Variants in GALNT18 observed in about 807,000 individuals in gnomAD.
The protein encoded by GALNT18 is GalNAc-transferase 18.
GALNT18 carries 44 observed loss-of-function variants against 69.5 expected under a neutral mutation model. That is an observed-to-expected ratio of 0.63 (90% CI 0.50 to 0.81). The LOEUF is 0.81. Among genes scored for constraint, GALNT18 ranks in the 40% least tolerant of loss-of-function variants. The pLI, the probability that GALNT18 is intolerant of heterozygous loss-of-function variation, is 0.00. For missense variants in GALNT18, 715 were observed against 810.0 expected, an observed-to-expected ratio of 0.88 and a Z score of 1.42; for synonymous variants, 364 against 318.2, an observed-to-expected ratio of 1.14 and a Z score of -1.53.
intron 1 of GALNT18, among the ~76,000 whole-genome samples, chr11:11,525,395 T>C (rs575318719): frequency 2.0e-5 from 3 of 152,258 alleles, no homozygotes; most frequent in Non-Finnish European, 4.4e-5. Flanking sequence ...CAGTGCCAGA[T>C]GATAAGGTCC....
intron 1 of GALNT18, among the ~76,000 whole-genome samples, chr11:11,512,473 A>T (rs1433707042): frequency 6.6e-6 from 1 of 152,230 alleles, no homozygotes; most frequent in African/African-American, 2.4e-5. Flanking sequence ...CTTTATTCTG[A>T]GTGCGGCAAA....
At chr11:11,448,606 C>T in intron 2 of GALNT18, 138 bp downstream of exon 2, 1 of 607,718 alleles carries the variant, frequency 1.6e-6, no homozygotes, top group Non-Finnish European at 2.7e-6. Context: ...TGAACGCAAG[C>T]CGAGGGGACA....
intron 6 of GALNT18, among the ~76,000 whole-genome samples, chr11:11,349,138 CTTCAT>C (rs1225832478): frequency 1.3e-5 from 2 of 152,166 alleles, no homozygotes; most frequent in African/African-American, 2.4e-5. Context: ...TTGCTTCTTG[CTTCAT>C]TTATTTTCAT....
rs1858578479 is a variant in GALNT18, at chr11:11,563,909, G to T, written c.235+57450C>A. On this transcript the variant is annotated intron_variant, in intron 1 of 10. Coordinates refer to ENST00000227756, the MANE Select transcript of GALNT18 (RefSeq NM_198516.3). This position sits in a 1 kb window ranked among gnomAD's most constrained non-coding sequence, Gnocchi z 4.6. The stretch of plus-strand genomic sequence containing the variant: ...CCCCAAAGCATTTTGAGTTCTGAAA[G>T]CAAGAAACTGTTGATAGAGGAAAAA... Among the ~76,000 whole-genome samples, 1 of 152,166 alleles carries T rather than the reference G, an allele frequency of 6.6e-6. No homozygotes were observed. Among genetic ancestry groups the T allele is most frequent in the Non-Finnish European group, 1.5e-5 (1 of 68,030 alleles).
At chr11:11,489,267 T>C (rs1856709810) in intron 1 of GALNT18, among the ~76,000 whole-genome samples, 1 of 152,202 alleles carries the variant, frequency 6.6e-6, no homozygotes, top group Admixed American at 6.5e-5. Context: ...TGGAAATAGC[T>C]TGCTGTTAGC....
Position 11,283,223 on chromosome 11 carries a change from C to T in GALNT18, c.1677+9806G>A, listed in dbSNP as rs116608658. Among the ~76,000 whole-genome samples the T allele has an allele frequency of 6.2e-3, 947 of 152,196 alleles. 16 individuals carry two copies. The highest frequency in any genetic ancestry group is 0.021 in the African/African-American group (890 of 41,494). ...AGGCTGGAGTGCAGTAGCAGGATCT[C>T]GGCTCAATGCAATCCCAGGTTCAAG... On this transcript the variant is annotated intron_variant, in intron 10 of 10. Coordinates refer to ENST00000227756, the MANE Select transcript of GALNT18 (RefSeq NM_198516.3).
At chr11:11,286,244 G>A (rs574212663) in intron 10 of GALNT18, among the ~76,000 whole-genome samples, 1 of 152,170 alleles carries the variant, frequency 6.6e-6, no homozygotes, top group Non-Finnish European at 1.5e-5. Context: ...ATTTAAATTT[G>A]CACTCCATGC....
chr11:11,457,385 C>T (rs1855947419), intron 1 of GALNT18, among the ~76,000 whole-genome samples: 1 of 152,212 alleles, frequency 6.6e-6, no homozygotes, highest in Non-Finnish European at 1.5e-5. Context: ...TTCTGAGGTG[C>T]TGGTGGTTTT....
Position 11,500,884 on chromosome 11 carries a change from G to C in GALNT18, c.236-51948C>G, listed in dbSNP as rs956745045. Among the ~76,000 whole-genome samples the C allele has an allele frequency of 7.2e-5, 11 of 152,138 alleles. No homozygotes were observed. Among genetic ancestry groups the C allele is most frequent in the East Asian group, 1.9e-4 (1 of 5,194 alleles). The stretch of plus-strand genomic sequence containing the variant: ...TCCTTCCCTGTCTTTTTGCAGAGCC[G>C]TGCTGAGCGGGCAGCCAGGTGCACA... On this transcript the variant is annotated intron_variant, in intron 1 of 10. Coordinates refer to ENST00000227756, the MANE Select transcript of GALNT18 (RefSeq NM_198516.3). This position sits in a 1 kb window ranked among gnomAD's most constrained non-coding sequence, Gnocchi z 5.0.
intron 2 of GALNT18, among the ~76,000 whole-genome samples, chr11:11,446,923 A>T (rs1855667196): frequency 6.6e-6 from 1 of 152,152 alleles, no homozygotes; most frequent in Admixed American, 6.5e-5. Context: ...ACAATACTGA[A>T]GCTGAGTGCT....
rs1354662756 is a variant in GALNT18, at chr11:11,379,111, A to G, written c.749T>C (p.Phe250Ser). 1 of 1,609,230 alleles carries G rather than the reference A, an allele frequency of 6.2e-7. No homozygotes were observed. Among genetic ancestry groups the G allele is most frequent in the Non-Finnish European group, 8.5e-7 (1 of 1,179,572 alleles). The part of the protein sequence containing the change: ...RAATAPVVAL[F>S]DAHVEFNVGW... ...CACATTGAACTCCACGTGGGCATCA[A>G]AGAGTGCCACCACAGGGGCAGTGGC... The change falls in exon 4 of 11, where the codon TTT becomes TCT. Residue 250 changes from phenylalanine to serine, a missense_variant. By Grantham distance (155) the Phe-to-Ser change is radical. Coordinates refer to ENST00000227756, the MANE Select transcript of GALNT18 (RefSeq NM_198516.3).
chr11:11,576,891 C>G (rs749942380), intron 1 of GALNT18, among the ~76,000 whole-genome samples: 1 of 152,202 alleles, frequency 6.6e-6, no homozygotes, highest in Non-Finnish European at 1.5e-5. Flanking sequence ...GAACGCACAC[C>G]TTTAGTGCCA....
chr11:11,567,968 C>T (rs185423991), intron 1 of GALNT18, among the ~76,000 whole-genome samples: 182 of 152,324 alleles, frequency 1.2e-3, no homozygotes, highest in African/African-American at 2.9e-3. Context: ...AACCCATCTC[C>T]CTTGCCTTGT....
intron 3 of GALNT18, among the ~76,000 whole-genome samples, chr11:11,423,062 C>T (rs1855046622): frequency 6.6e-6 from 1 of 152,186 alleles, no homozygotes; most frequent in Non-Finnish European, 1.5e-5. Context: ...ATGCACACTA[C>T]TGCGTAAGTG....
rs1249489128 is a variant in GALNT18, at chr11:11,435,349, G to A, written c.429-2562C>T. 1.3e-5 allele frequency among the ~76,000 whole-genome samples: 2 copies of A among 152,174 alleles called. No individual in the cohort carries two copies. Among genetic ancestry groups the A allele is most frequent in the Non-Finnish European group, 2.9e-5 (2 of 68,008 alleles). On this transcript the variant is annotated intron_variant, in intron 2 of 10. Transcript: ENST00000227756. This position sits in a 1 kb window ranked among gnomAD's most constrained non-coding sequence, Gnocchi z 4.4. Reference sequence around the variant, plus strand: ...CCCAGTAGCAGCCCTGATGGTTTGAGCTGCCAGTCTCTGGAAGCTGGTCTC... The same window carrying A: ...CCCAGTAGCAGCCCTGATGGTTTGAACTGCCAGTCTCTGGAAGCTGGTCTC...
intron 8 of GALNT18, among the ~76,000 whole-genome samples, chr11:11,330,063 C>T (rs1849991437): frequency 1.3e-5 from 2 of 152,190 alleles, no homozygotes; most frequent in South Asian, 2.1e-4. Context: ...TAATCCAATG[C>T]TACCCCATCT....
At chr11:11,368,132 T>C (rs552198575) in intron 6 of GALNT18, among the ~76,000 whole-genome samples, 2 of 152,370 alleles carry the variant, frequency 1.3e-5, no homozygotes, top group Non-Finnish European at 1.5e-5. Flanking sequence ...GAAGACATTA[T>C]ATCATAATCT....
chr11:11,605,413 G>A lies in GALNT18; in HGVS notation c.235+15946C>T, dbSNP rs536040318. Among the ~76,000 whole-genome samples, 36 of 152,298 alleles carry A rather than the reference G, an allele frequency of 2.4e-4. No individual in the cohort carries two copies. The highest frequency in any genetic ancestry group is 7.0e-4 in the African/African-American group (29 of 41,574). ...TTCCCGACACCTGTCTCCTGAGTGC[G>A]AAACAGCAAGTCCTAACTTGCCAGG... On this transcript the variant is annotated intron_variant, in intron 1 of 10. Transcript: ENST00000227756. This position sits in a 1 kb window ranked among gnomAD's most constrained non-coding sequence, Gnocchi z 4.7.
At chr11:11,274,112 A>C (rs1765194762) in intron 10 of GALNT18, among the ~76,000 whole-genome samples, 2 of 152,142 alleles carry the variant, frequency 1.3e-5, no homozygotes, top group South Asian at 2.1e-4. Flanking sequence ...AGCCAAGGAA[A>C]GCTGTGAGAG....
Sources: gnomAD v4.1 joint callset for allele counts (sites outside exome capture counted in the v4.1 genomes callset) on GRCh38, gnomAD v4.1.1 for gene constraint, Gnocchi (gnomAD v3.1) non-coding constraint, MANE v1.5 for transcripts, NCBI Gene and HGNC (gene_info 2026-07-23, HGNC 2026-07-21) for gene names.